MMP26: variants seen among roughly 807,000 people sequenced by gnomAD.
MMP26 encodes matrix metallopeptidase 26.
MMP26 carries 33 observed loss-of-function variants against 31.0 expected under a neutral mutation model. That is an observed-to-expected ratio of 1.06 (90% CI 0.81 to 1.42). The LOEUF is 1.42. MMP26 is among the 40% of genes most tolerant of loss of function. MMP26 has a pLI of 0.00. For missense variants in MMP26, 347 were observed against 316.1 expected (o/e 1.10, Z -0.74); for synonymous variants, 122 against 114.9 (o/e 1.06, Z -0.40).
At chr11:4,743,180 G>A (rs544819110) in intron 1 of MMP26, among the ~76,000 whole-genome samples, 3 of 152,092 alleles carry the variant, frequency 2.0e-5, no homozygotes, top group Non-Finnish European at 4.4e-5. Flanking sequence ...TCCCTCAACA[G>A]CTGTATACTG....
intron 2 of MMP26, among the ~76,000 whole-genome samples, chr11:4,974,056 A>T (rs1846702911): frequency 6.6e-6 from 1 of 151,990 alleles, no homozygotes; most frequent in East Asian, 1.9e-4. Context: ...AGATAGGTAG[A>T]CTCAACTAGA....
chr11:4,834,445 C>T (rs1849689030), intron 2 of MMP26, among the ~76,000 whole-genome samples: 1 of 152,174 alleles, frequency 6.6e-6, no homozygotes, highest in South Asian at 2.1e-4. Flanking sequence ...TTAGGAGTCA[C>T]TAGGACTGTG....
At chr11:4,729,339 A>G (rs1848142792) in intron 1 of MMP26, among the ~76,000 whole-genome samples, 1 of 152,150 alleles carries the variant, frequency 6.6e-6, no homozygotes, top group Non-Finnish European at 1.5e-5. Flanking sequence ...GCAGCAAGCT[A>G]CTACATCCTC....
intron 1 of MMP26, among the ~76,000 whole-genome samples, chr11:4,732,596 T>TCCAGAAGCA (rs1424981877): frequency 6.7e-6 from 1 of 149,216 alleles, no homozygotes; most frequent in Non-Finnish European, 1.5e-5. Context: ...AAGCACCCTA[T>TCCAGAAGCA]CCAGAAGCAG....
At chr11:4,735,770 T>A in intron 1 of MMP26, among the ~76,000 whole-genome samples, 1 of 145,650 alleles carries the variant, frequency 6.9e-6, no homozygotes. Flanking sequence ...ATAGTTCTAA[T>A]TTAATCAAAA....
At chr11:4,723,349 T>C in intron 1 of MMP26, 1 of 972,034 alleles carries the variant, frequency 1.0e-6, no homozygotes, top group Non-Finnish European at 1.7e-6. Flanking sequence ...GTGCATGCTC[T>C]CAGCCTCCGC....
intron 2 of MMP26, chr11:4,913,569 TACAATA>T: frequency 6.6e-6 from 1 of 152,068 alleles, no homozygotes; most frequent in East Asian, 1.9e-4. Context: ...GTCTTGGGGG[TACAATA>T]ACAATACAAC....
intron 2 of MMP26, among the ~76,000 whole-genome samples, chr11:4,904,320 C>T (rs1436898581): frequency 3.3e-5 from 5 of 152,034 alleles, no homozygotes; most frequent in African/African-American, 2.4e-5. Context: ...GGTGTTTGTG[C>T]GTTAGCTTGA....
intron 1 of MMP26, among the ~76,000 whole-genome samples, chr11:4,716,919 C>A (rs1847940620): frequency 6.6e-6 from 1 of 152,104 alleles, no homozygotes; most frequent in Admixed American, 6.5e-5. Flanking sequence ...GCCTCGGCCT[C>A]CCAAAGTGCT....
intron 2 of MMP26, among the ~76,000 whole-genome samples, chr11:4,902,749 A>T (rs1416123753): frequency 6.6e-6 from 1 of 152,206 alleles, no homozygotes; most frequent in Non-Finnish European, 1.5e-5. Context: ...CAGATAACTT[A>T]ACATGGAGAA....
intron 2 of MMP26, among the ~76,000 whole-genome samples, chr11:4,895,199 C>G (rs894639466): frequency 6.6e-6 from 1 of 152,116 alleles, no homozygotes; most frequent in Non-Finnish European, 1.5e-5. Flanking sequence ...TCTAAGGATG[C>G]TTTTCTTAGA....
chr11:4,922,901 A>G (rs1360461584), intron 2 of MMP26, among the ~76,000 whole-genome samples: 1 of 152,192 alleles, frequency 6.6e-6, no homozygotes, highest in Non-Finnish European at 1.5e-5. Context: ...GTGGATATAG[A>G]TATGTACAAA....
chr11:4,858,849 G>GCATGGTAC (rs1383450763), intron 2 of MMP26, among the ~76,000 whole-genome samples: 15 of 152,212 alleles, frequency 9.9e-5, no homozygotes, highest in African/African-American at 3.4e-4. Flanking sequence ...AACCAAAACA[G>GCATGGTAC]CATGGTACTG....
chr11:4,990,731 T>C lies in MMP26; in HGVS notation c.454T>C (p.Ser152Pro), dbSNP rs1362903984. The C allele has an allele frequency of 6.2e-7, 1 of 1,614,112 alleles. No individual in the cohort carries two copies. Among genetic ancestry groups the C allele is most frequent in the South Asian group, 1.1e-5 (1 of 91,082 alleles). ...VQNGDADIKV[S>P]FWQWAHEDGW... ...GAATGGAGATGCAGACATCAAGGTT[T>C]CTTTCTGGCAGTGGGGTAAGAAATT... The change falls in exon 5 of 8, where the codon TCT (serine) becomes CCT (proline). Residue 152 changes from serine to proline, a missense_variant. By Grantham distance (74) the Ser-to-Pro change is moderately conservative (BLOSUM62 -1). Coordinates refer to ENST00000380390, the MANE Select transcript of MMP26 (RefSeq NM_021801.5).
intron 2 of MMP26, among the ~76,000 whole-genome samples, chr11:4,927,465 A>G (rs1851288429): frequency 6.6e-6 from 1 of 152,146 alleles, no homozygotes; most frequent in Non-Finnish European, 1.5e-5. Flanking sequence ...CTAGAACCAC[A>G]GGTCAATCTC....
chr11:4,798,810 G>C (rs975106771), intron 2 of MMP26, among the ~76,000 whole-genome samples: 1 of 152,190 alleles, frequency 6.6e-6, no homozygotes, highest in African/African-American at 2.4e-5. Context: ...GTCAAAAATT[G>C]CTTGTTGATT....
At chr11:4,926,754 T>A (rs1183347534) in intron 2 of MMP26, among the ~76,000 whole-genome samples, 1 of 152,022 alleles carries the variant, frequency 6.6e-6, no homozygotes, top group Non-Finnish European at 1.5e-5. Context: ...GGCAAGTGTA[T>A]AAGGTATGAG....
intron 2 of MMP26, among the ~76,000 whole-genome samples, chr11:4,905,538 CTT>C (rs1415038613): frequency 1.3e-5 from 2 of 152,122 alleles, no homozygotes; most frequent in South Asian, 4.1e-4. Flanking sequence ...AGGTTGATGA[CTT>C]TTTTCTCTTG....
At chr11:4,886,691 A>C (rs1564800605) in intron 2 of MMP26, among the ~76,000 whole-genome samples, 1 of 151,528 alleles carries the variant, frequency 6.6e-6, no homozygotes, top group Non-Finnish European at 1.5e-5. Context: ...AGTTTCTATC[A>C]TCTGACCCCA....
Sources: allele counts gnomAD v4.1 joint callset (sites outside exome capture counted in the v4.1 genomes callset), GRCh38; gene constraint gnomAD v4.1.1; transcripts MANE v1.5; gene names NCBI Gene and HGNC (gene_info 2026-07-23, HGNC 2026-07-21).